GLIS3: variants seen among roughly 807,000 people sequenced by gnomAD.
GLIS3 encodes the protein GLIS family zinc finger 3, also known as zinc finger protein GLIS3.
In GLIS3, 53 loss-of-function variants were observed where a neutral mutation model predicts 78.6. The observed-to-expected ratio is 0.67, with a 90% CI of 0.54 to 0.85. GLIS3 has a LOEUF of 0.85. GLIS3 is among the 40% of genes least tolerant of loss of function. The pLI is 0.00. For missense variants in GLIS3, 1,703 were observed against 1,231.1 expected (o/e 1.38, Z -5.74); for synonymous variants, 684 against 509.9 (o/e 1.34, Z -4.60).
chr9:3,952,728 T>C (rs1816782260), intron 4 of GLIS3, among the ~76,000 whole-genome samples: 1 of 152,184 alleles, frequency 6.6e-6, no homozygotes, highest in Admixed American at 6.5e-5. Context: ...AACAAGAATA[T>C]ACCAAATGGT....
At chr9:4,380,051 C>G in the GLIS3 span, among the ~76,000 whole-genome samples, 77 of 152,292 alleles carry the variant, frequency 5.1e-4, 1 homozygote, top group African/African-American at 1.8e-3. Context: ...CTTTCTGAGT[C>G]TCATTTTCAC....
intron 4 of GLIS3, among the ~76,000 whole-genome samples, chr9:4,082,771 A>G (rs932803293): frequency 6.6e-6 from 1 of 152,206 alleles, no homozygotes; most frequent in East Asian, 1.9e-4. Flanking sequence ...TTACTTGCAT[A>G]TTCTGGAAAC....
chr9:4,337,284 T>C (rs934173471), intron 2 of GLIS3, among the ~76,000 whole-genome samples: 1 of 152,198 alleles, frequency 6.6e-6, no homozygotes, highest in Non-Finnish European at 1.5e-5. Context: ...AAGTGTTAAT[T>C]ATTGTAACAA....
chr9:4,291,278 A>G (rs1587330277), intron 1 of GLIS3, among the ~76,000 whole-genome samples: 1 of 152,130 alleles, frequency 6.6e-6, no homozygotes, highest in East Asian at 1.9e-4. Context: ...CTGAAGACAA[A>G]TTAGTGTCCT....
the GLIS3 span, among the ~76,000 whole-genome samples, chr9:4,405,395 G>C: frequency 6.6e-6 from 1 of 151,238 alleles, no homozygotes; most frequent in South Asian, 2.1e-4. Context: ...AAAAAAGAAA[G>C]AAAGAAAGAA....
chr9:3,936,957 C>G, intron 5 of GLIS3, 71 bp downstream of exon 5: 1 of 1,591,218 alleles, frequency 6.3e-7, no homozygotes, highest in South Asian at 1.1e-5. Flanking sequence ...ACTTCACCAG[C>G]CCACTATCAA....
chr9:4,137,282 C>A (rs1833472086), intron 2 of GLIS3, among the ~76,000 whole-genome samples: 1 of 152,138 alleles, frequency 6.6e-6, no homozygotes. Flanking sequence ...GGGAGATTCG[C>A]ATGAATCATG....
intron 4 of GLIS3, among the ~76,000 whole-genome samples, chr9:4,104,997 A>G (rs1004083944): frequency 6.6e-6 from 1 of 152,232 alleles, no homozygotes; most frequent in Non-Finnish European, 1.5e-5. Context: ...CCAAGAGAAC[A>G]TGCACACCTA....
chr9:3,868,104 CA>C (rs1238214319), intron 8 of GLIS3, among the ~76,000 whole-genome samples: 1 of 152,212 alleles, frequency 6.6e-6, no homozygotes, highest in African/African-American at 2.4e-5. Context: ...TCAAGATTGA[CA>C]AACTTAATTG....
At chr9:4,073,563 C>G (rs1254007584) in intron 4 of GLIS3, among the ~76,000 whole-genome samples, 2 of 152,190 alleles carry the variant, frequency 1.3e-5, no homozygotes, top group Non-Finnish European at 1.5e-5. Flanking sequence ...ATACAACGCA[C>G]AGCTGCAAAG....
At chr9:4,463,100 T>C in the GLIS3 span, among the ~76,000 whole-genome samples, 70 of 152,214 alleles carry the variant, frequency 4.6e-4, no homozygotes, top group Non-Finnish European at 8.5e-4. Context: ...GCAGAATCAA[T>C]ACAGATAGTT....
chr9:3,993,003 G>A lies in GLIS3; in HGVS notation c.1711-55814C>T, dbSNP rs187336195. Among the ~76,000 whole-genome samples the A allele has an allele frequency of 1.9e-3, 288 of 152,264 alleles. 1 individual carries two copies. The highest frequency in any genetic ancestry group is 3.2e-3 in the Non-Finnish European group (219 of 68,012). ...ACCAGCTAAGGCTCTCAGTAAGGCCGGCTGCCAGGGTAAATCATATCTTTC... is the reference window on the plus strand; with the variant it reads ...ACCAGCTAAGGCTCTCAGTAAGGCCAGCTGCCAGGGTAAATCATATCTTTC... On this transcript the variant is annotated intron_variant, in intron 4 of 10. Transcript: ENST00000381971.
At chr9:4,470,418 G>C in the GLIS3 span, among the ~76,000 whole-genome samples, 1 of 152,164 alleles carries the variant, frequency 6.6e-6, no homozygotes, top group Non-Finnish European at 1.5e-5. Flanking sequence ...GATCAAGTTG[G>C]CTTCATCCCT....
the GLIS3 span, among the ~76,000 whole-genome samples, chr9:4,437,969 G>C: frequency 7.9e-4 from 120 of 152,284 alleles, no homozygotes; most frequent in African/African-American, 2.7e-3. Context: ...CTGTTCAACA[G>C]TGGGCTATTC....
chr9:4,200,594 A>C (rs1286892175), intron 2 of GLIS3, among the ~76,000 whole-genome samples: 2 of 152,206 alleles, frequency 1.3e-5, no homozygotes, highest in African/African-American at 4.8e-5. Context: ...ACAATCTGCC[A>C]AAATTGAAAC....
chr9:4,465,033 T>C, the GLIS3 span, among the ~76,000 whole-genome samples: 1 of 152,214 alleles, frequency 6.6e-6, no homozygotes, highest in Non-Finnish European at 1.5e-5. Flanking sequence ...CAAACTTCAG[T>C]GACACATTTC....
intron 2 of GLIS3, among the ~76,000 whole-genome samples, chr9:4,180,809 G>T (rs574195039): frequency 6.6e-6 from 1 of 152,158 alleles, no homozygotes; most frequent in Non-Finnish European, 1.5e-5. Context: ...CGGTGTAGCA[G>T]AGGGCAAAAT....
intron 4 of GLIS3, among the ~76,000 whole-genome samples, chr9:4,070,279 T>C (rs10974315): frequency 0.14 from 21,732 of 152,104 alleles, 3,676 homozygotes; most frequent in African/African-American, 0.38. Context: ...ATGGGGATAA[T>C]GATTTAATGG....
chr9:4,047,719 G>A (rs553007041), intron 4 of GLIS3, among the ~76,000 whole-genome samples: 1 of 152,274 alleles, frequency 6.6e-6, no homozygotes, highest in East Asian at 1.9e-4. Flanking sequence ...TCGGCTCAGT[G>A]TGCTACCCCA....
Sources: gnomAD v4.1 joint callset for allele counts (sites outside exome capture counted in the v4.1 genomes callset) on GRCh38, gnomAD v4.1.1 for gene constraint, MANE v1.5 for transcripts, NCBI Gene and HGNC (gene_info 2026-07-23, HGNC 2026-07-21) for gene names.